PACRG: variants seen among roughly 807,000 people sequenced by gnomAD.
PACRG encodes the protein parkin coregulated, also known as parkin coregulated gene protein.
Under a neutral mutation model 29.7 loss-of-function variants are expected in PACRG, and 29 were observed. That is an observed-to-expected ratio of 0.98 (90% CI 0.73 to 1.33). The LOEUF (loss-of-function observed/expected upper bound fraction) is 1.33. Among genes scored for constraint, PACRG ranks in the 40% most tolerant of loss-of-function variants. The pLI, the probability that PACRG is intolerant of heterozygous loss-of-function variation, is 0.00. For synonymous variants in PACRG, 116 were observed against 118.7 expected, an observed-to-expected ratio of 0.98 and a Z score of 0.15; for missense variants, 279 against 316.2, an observed-to-expected ratio of 0.88 and a Z score of 0.89.
rs779972488 is a variant in PACRG, at chr6:163,089,264, T to C, written c.469T>C (p.Leu157=). 3.7e-6 allele frequency: 6 copies of C among 1,613,754 alleles called. No individual in the cohort carries two copies. In the East Asian group the frequency reaches 6.7e-5, roughly 18 times the overall value. Residue 157 remains leucine (L), a synonymous_variant, in exon 4 of 5, where the codon TTG becomes CTG. Transcript: ENST00000366888. ...GTCCTTCTTTTACCATATAGATGCC[T>C]TGAACCTCCGAAACCGACAGGTCAT... The part of the protein sequence containing the change: ...PQLIIPIKNA[L]NLRNRQVICV...
At chr6:163,179,394 T>TTA in intron 4 of PACRG, 1 of 216,184 alleles carries the variant, frequency 4.6e-6, no homozygotes, top group East Asian at 1.2e-4. Context: ...TTCTTTAAAT[T>TTA]AAAAAAAAAA....
chr6:163,176,128 A>G (rs896229639), intron 4 of PACRG, among the ~76,000 whole-genome samples: 3 of 151,914 alleles, frequency 2.0e-5, no homozygotes, highest in African/African-American at 7.3e-5. Flanking sequence ...CCACCCCCCA[A>G]CTTGTGGGGG....
chr6:163,231,806 A>G (rs926417), intron 4 of PACRG, among the ~76,000 whole-genome samples: 108,634 of 152,008 alleles, frequency 0.71, 39,777 homozygotes, highest in African/African-American at 0.88. Flanking sequence ...AGGTGGGACC[A>G]TACAGGTGCA....
chr6:163,306,785 T>A (rs1055977593), intron 4 of PACRG, among the ~76,000 whole-genome samples: 1 of 152,234 alleles, frequency 6.6e-6, no homozygotes, highest in Non-Finnish European at 1.5e-5. Context: ...TCTTTTCAGT[T>A]GAAATACAGG....
intron 2 of PACRG, among the ~76,000 whole-genome samples, chr6:162,861,852 T>C (rs551892990): frequency 2.0e-5 from 3 of 152,330 alleles, no homozygotes; most frequent in East Asian, 1.9e-4. Context: ...TTGGTGTTCA[T>C]AGTTTATGAC....
intron 2 of PACRG, among the ~76,000 whole-genome samples, chr6:162,925,258 C>A (rs951232985): frequency 1.3e-5 from 2 of 152,092 alleles, no homozygotes; most frequent in Non-Finnish European, 2.9e-5. Flanking sequence ...GGTACCATTC[C>A]TTCTGAAAAT....
intron 2 of PACRG, among the ~76,000 whole-genome samples, chr6:162,958,900 G>T (rs1437396133): frequency 1.5e-3 from 85 of 55,350 alleles, no homozygotes; most frequent in African/African-American, 3.8e-3. Flanking sequence ...GAGAGAGAGA[G>T]AGAGAGAGAG....
chr6:163,241,393 T>A (rs1053767392), intron 4 of PACRG, among the ~76,000 whole-genome samples: 1 of 152,194 alleles, frequency 6.6e-6, no homozygotes, highest in Non-Finnish European at 1.5e-5. Flanking sequence ...AGTCTTGAAC[T>A]TTATGTTCAT....
chr6:163,055,265 A>C lies in PACRG; in HGVS notation c.292-6885A>C, dbSNP rs1237792083. 6.6e-6 allele frequency among the ~76,000 whole-genome samples: 1 copy of C among 152,130 alleles called. No individual in the cohort carries two copies. Among genetic ancestry groups the C allele is most frequent in the South Asian group, 2.1e-4 (1 of 4,834 alleles). ...TGGAAATGGAGCAGTGGCTTTTCAG[A>C]AAAAGTACTTAAAGAGAAGTCAGAT... On this transcript the variant is annotated intron_variant, in intron 2 of 4. Transcript: ENST00000366888. The surrounding 1 kb of genome is among the most constrained non-coding windows in gnomAD (Gnocchi z 4.0).
At chr6:163,061,336 C>T (rs1441348733) in intron 2 of PACRG, among the ~76,000 whole-genome samples, 1 of 152,200 alleles carries the variant, frequency 6.6e-6, no homozygotes, top group African/African-American at 2.4e-5. Flanking sequence ...AAATCTTCTA[C>T]AGGTAGATGA....
chr6:162,844,917 A>G lies in PACRG; in HGVS notation c.291+30636A>G, dbSNP rs991916142. On this transcript the variant is annotated intron_variant, in intron 2 of 4. Transcript: ENST00000366888. ...CACTATGCTTTTATTATTATTTTTT[A>G]GGGTACTGTTTTACCTCATCCTTGT... Among the ~76,000 whole-genome samples, 3 of 152,118 alleles carry G rather than the reference A, an allele frequency of 2.0e-5. No individual in the cohort carries two copies. The South Asian group carries it at 6.2e-4, about 32-fold the overall frequency.
intron 2 of PACRG, among the ~76,000 whole-genome samples, chr6:162,898,353 C>T (rs892630384): frequency 9.2e-5 from 14 of 152,136 alleles, no homozygotes; most frequent in Non-Finnish European, 8.8e-5. Flanking sequence ...TGAGTCTCTG[C>T]GCGCACCAGC....
intron 2 of PACRG, among the ~76,000 whole-genome samples, chr6:163,058,662 C>T (rs554284837): frequency 2.6e-4 from 39 of 152,112 alleles, no homozygotes; most frequent in Non-Finnish European, 4.3e-4. Context: ...TTTGGGAGGC[C>T]AAGGCGAGCG....
chr6:163,278,881 G>C (rs1292241693), intron 4 of PACRG, among the ~76,000 whole-genome samples: 4 of 152,092 alleles, frequency 2.6e-5, no homozygotes, highest in African/African-American at 4.8e-5. Context: ...AATGATGGTG[G>C]TATTTTGATT....
intron 4 of PACRG, among the ~76,000 whole-genome samples, chr6:163,263,367 C>T (rs936181643): frequency 1.3e-5 from 2 of 152,090 alleles, no homozygotes; most frequent in Non-Finnish European, 2.9e-5. Flanking sequence ...GTACAGAAGT[C>T]TAAGGATCAC....
chr6:163,217,236 C>T (rs566473642), intron 4 of PACRG, among the ~76,000 whole-genome samples: 1 of 152,284 alleles, frequency 6.6e-6, no homozygotes, highest in African/African-American at 2.4e-5. Context: ...GTATGATGCC[C>T]AAAGGCTAAA....
At chr6:163,314,785 G>A (rs1785582272) in intron 4 of PACRG, 42 bp from the exon 5 acceptor site, 1 of 1,597,504 alleles carries the variant, frequency 6.3e-7, no homozygotes, top group Non-Finnish European at 8.5e-7. Context: ...TCGGGAAATT[G>A]CAGAGAAGTA....
chr6:163,023,402 A>G (rs913504031), intron 2 of PACRG, among the ~76,000 whole-genome samples: 1 of 152,194 alleles, frequency 6.6e-6, no homozygotes, highest in African/African-American at 2.4e-5. Flanking sequence ...AAAGGACATG[A>G]TTTCATTCTT....
chr6:162,815,566 G>T (rs997849439), intron 2 of PACRG, among the ~76,000 whole-genome samples: 1 of 150,924 alleles, frequency 6.6e-6, no homozygotes, highest in Non-Finnish European at 1.5e-5. Context: ...ATTTTGGGGG[G>T]GTGGGAAAGA....
Sources: gnomAD v4.1 joint callset for allele counts (sites outside exome capture counted in the v4.1 genomes callset) on GRCh38, gnomAD v4.1.1 for gene constraint, Gnocchi (gnomAD v3.1) non-coding constraint, MANE v1.5 for transcripts, NCBI Gene and HGNC (gene_info 2026-07-23, HGNC 2026-07-21) for gene names.